CCDC148: variants seen among roughly 807,000 people sequenced by gnomAD.
CCDC148 encodes the protein coiled-coil domain containing 148, also known as coiled-coil domain-containing protein 148.
Under a neutral mutation model 85.7 loss-of-function variants are expected in CCDC148, and 89 were observed. The ratio of observed to expected loss-of-function variants is 1.04; its 90% CI spans 0.87 to 1.24. The LOEUF is 1.24. Ranked by LOEUF, CCDC148 falls within the 50% of genes most tolerant of loss-of-function variation. CCDC148 has a pLI of 0.00. For synonymous variants in CCDC148, 230 were observed against 213.9 expected, an observed-to-expected ratio of 1.08 and a Z score of -0.66; for missense variants, 692 against 671.7, an observed-to-expected ratio of 1.03 and a Z score of -0.33.
intron 8 of CCDC148, among the ~76,000 whole-genome samples, chr2:158,311,186 A>G (rs1691993385): frequency 6.6e-6 from 1 of 152,216 alleles, no homozygotes; most frequent in Admixed American, 6.5e-5. Context: ...GGCAACATTG[A>G]GCACTGAGTG....
At chr2:158,390,760 G>A (rs1410481017) in intron 1 of CCDC148, among the ~76,000 whole-genome samples, 2 of 152,076 alleles carry the variant, frequency 1.3e-5, no homozygotes, top group Admixed American at 6.6e-5. Context: ...TGTCTTTTGC[G>A]CTACCTTTTT....
At chr2:158,435,924 T>C (rs1356284286) in intron 1 of CCDC148, among the ~76,000 whole-genome samples, 2 of 152,178 alleles carry the variant, frequency 1.3e-5, no homozygotes, top group Non-Finnish European at 2.9e-5. Flanking sequence ...CAAGAAGAGC[T>C]AACTATCCTA....
chr2:158,323,580 A>C (rs1459689935), intron 7 of CCDC148, among the ~76,000 whole-genome samples: 2 of 152,188 alleles, frequency 1.3e-5, no homozygotes, highest in Non-Finnish European at 2.9e-5. Context: ...GCATGTGTAC[A>C]TTCTTGAAGC....
At chr2:158,208,196 C>A (rs7593395) in intron 11 of CCDC148, among the ~76,000 whole-genome samples, 1 of 152,028 alleles carries the variant, frequency 6.6e-6, no homozygotes, top group Non-Finnish European at 1.5e-5. Flanking sequence ...AGTTTATTCC[C>A]TTTGGGAATG....
At chr2:158,187,524 C>G (rs1377117806) in intron 11 of CCDC148, among the ~76,000 whole-genome samples, 1 of 151,984 alleles carries the variant, frequency 6.6e-6, no homozygotes, top group African/African-American at 2.4e-5. Context: ...TGCAGTCTGG[C>G]CTCTGTCCAC....
intron 2 of CCDC148, among the ~76,000 whole-genome samples, chr2:158,355,860 T>C (rs1451838235): frequency 7.5e-6 from 1 of 133,076 alleles, no homozygotes; most frequent in African/African-American, 3.4e-5. Context: ...CAAAACAGCA[T>C]GGTACTGGTA....
chr2:158,206,113 A>G (rs1686228011), intron 11 of CCDC148, among the ~76,000 whole-genome samples: 1 of 152,148 alleles, frequency 6.6e-6, no homozygotes, highest in Non-Finnish European at 1.5e-5. Context: ...TATTCCTCAC[A>G]AGAACCATAT....
chr2:158,411,020 C>T (rs1051609157), intron 1 of CCDC148, among the ~76,000 whole-genome samples: 9 of 152,220 alleles, frequency 5.9e-5, no homozygotes, highest in East Asian at 1.9e-4. Flanking sequence ...AATATACCAT[C>T]GCACTTTTCT....
At chr2:158,344,163 AT>A (rs1464864596) in intron 3 of CCDC148, among the ~76,000 whole-genome samples, 2 of 151,984 alleles carry the variant, frequency 1.3e-5, no homozygotes, top group African/African-American at 4.8e-5. Context: ...AGTTATGCAC[AT>A]TTTCAAAAAA....
intron 10 of CCDC148, among the ~76,000 whole-genome samples, chr2:158,230,686 G>A (rs147029714): frequency 0.053 from 8,036 of 152,120 alleles, 333 homozygotes; most frequent in Middle Eastern, 0.082. Context: ...GAGAGCTCTC[G>A]ATATGAAGTG....
intron 2 of CCDC148, among the ~76,000 whole-genome samples, chr2:158,350,380 T>C (rs1395430776): frequency 6.6e-6 from 1 of 152,168 alleles, no homozygotes; most frequent in Non-Finnish European, 1.5e-5. Flanking sequence ...ATTAGAAATA[T>C]AAGTGTGTAT....
intron 1 of CCDC148, among the ~76,000 whole-genome samples, chr2:158,415,947 G>T (rs543479801): frequency 6.6e-6 from 1 of 152,294 alleles, no homozygotes; most frequent in East Asian, 1.9e-4. Context: ...CTCCATGAGG[G>T]CTCTGCCCAT....
intron 1 of CCDC148, among the ~76,000 whole-genome samples, chr2:158,406,644 A>T (rs1686037888): frequency 2.0e-4 from 1 of 4,942 alleles, no homozygotes; most frequent in Non-Finnish European, 8.9e-4. Context: ...TTTTTTTGAG[A>T]CAGTGTCTCC....
intron 1 of CCDC148, among the ~76,000 whole-genome samples, chr2:158,402,517 A>G (rs1272174033): frequency 6.6e-6 from 1 of 151,996 alleles, no homozygotes. Flanking sequence ...TGGGATCATC[A>G]ATAGTCCCAG....
chr2:158,239,313 C>T (rs1688249268), intron 10 of CCDC148, among the ~76,000 whole-genome samples: 1 of 151,460 alleles, frequency 6.6e-6, no homozygotes, highest in East Asian at 1.9e-4. Context: ...TCTCTCCCTC[C>T]CCACCCACCC....
intron 1 of CCDC148, among the ~76,000 whole-genome samples, chr2:158,433,097 T>A (rs868782205): frequency 0.038 from 4,384 of 113,964 alleles, 170 homozygotes; most frequent in Non-Finnish European, 0.062. Context: ...AAAAAATATA[T>A]ATATATATAT....
At chr2:158,305,009 G>A (rs1202974931) in intron 9 of CCDC148, among the ~76,000 whole-genome samples, 1 of 152,082 alleles carries the variant, frequency 6.6e-6, no homozygotes, top group Admixed American at 6.5e-5. Flanking sequence ...CCCACTCTCA[G>A]GCTTTTCTCC....
intron 1 of CCDC148, among the ~76,000 whole-genome samples, chr2:158,424,508 A>G (rs762986454): frequency 3.3e-5 from 5 of 151,856 alleles, no homozygotes; most frequent in Non-Finnish European, 5.9e-5. Flanking sequence ...ATATGTGGGA[A>G]TTGAACAATG....
rs1042154564 is a variant in CCDC148, at chr2:158,433,678, C to T, written c.25+22737G>A. On this transcript the variant is annotated intron_variant, in intron 1 of 13. Transcript: ENST00000283233. ...TGTGAGCTGAAGCATGGTGGTGCAT[C>T]GCCTCACCCAGGAAGTGCAAGAGTG... 5.3e-5 allele frequency among the ~76,000 whole-genome samples: 8 copies of T among 152,258 alleles called. No homozygotes were observed. The East Asian group carries it at 7.7e-4, about 15-fold the overall frequency.
Sources: gnomAD v4.1 joint callset for allele counts (sites outside exome capture counted in the v4.1 genomes callset) on GRCh38, gnomAD v4.1.1 for gene constraint, MANE v1.5 for transcripts, NCBI Gene and HGNC (gene_info 2026-07-23, HGNC 2026-07-21) for gene names.